RFX7: variants seen among roughly 807,000 people sequenced by gnomAD.
The protein encoded by RFX7 is DNA-binding protein RFX7.
Under a neutral mutation model 111.8 loss-of-function variants are expected in RFX7, and 26 were observed. That is an observed-to-expected ratio of 0.23 (90% confidence interval 0.17 to 0.32). The LOEUF is 0.32. RFX7 is among the 10% of genes least tolerant of loss of function. The pLI, the probability that RFX7 is intolerant of heterozygous loss-of-function variation, is 1.00. For synonymous variants in RFX7, 624 were observed against 624.4 expected, an observed-to-expected ratio of 1.00 and a Z score of 0.01; for missense variants, 1,573 against 1,772.9, an observed-to-expected ratio of 0.89 and a Z score of 2.02.
intron 3 of RFX7, among the ~76,000 whole-genome samples, chr15:56,164,570 C>A (rs998292255): frequency 4.6e-5 from 7 of 152,170 alleles, no homozygotes; most frequent in Non-Finnish European, 1.0e-4. Flanking sequence ...AACTCAGGTA[C>A]TACTGAAATT....
chr15:56,157,870 C>T (rs926016842), intron 3 of RFX7, among the ~76,000 whole-genome samples: 9 of 152,204 alleles, frequency 5.9e-5, no homozygotes, highest in African/African-American at 1.4e-4. Context: ...TGAGCCACTG[C>T]GCCCGGCCTA....
At chr15:56,210,882 A>C (rs776783386) in intron 2 of RFX7, among the ~76,000 whole-genome samples, 4 of 152,126 alleles carry the variant, frequency 2.6e-5, no homozygotes, top group Non-Finnish European at 5.9e-5. Flanking sequence ...CATCGTAGGA[A>C]ACTAGGAAAA....
intron 3 of RFX7, among the ~76,000 whole-genome samples, chr15:56,170,085 T>C (rs1033764599): frequency 1.3e-5 from 2 of 152,188 alleles, no homozygotes; most frequent in African/African-American, 4.8e-5. Context: ...TGTTTAATGA[T>C]TGATTCATTA....
At chr15:56,243,364 CGAAGGGGGGAGA>C in intron 1 of RFX7, 69 bp downstream of exon 1, 2 of 563,350 alleles carry the variant, frequency 3.6e-6, no homozygotes, top group Non-Finnish European at 4.2e-6. Flanking sequence ...GAGGGGAGGA[CGAAGGGGGGAGA>C]GGAGGAGGGG....
intron 8 of RFX7, among the ~76,000 whole-genome samples, chr15:56,101,012 T>A (rs1344884269): frequency 6.6e-6 from 1 of 152,164 alleles, no homozygotes; most frequent in African/African-American, 2.4e-5. Context: ...CTTCTCTTAT[T>A]AATTTAGATA....
rs1191886136 is a variant in RFX7 at position 56,087,907 on chromosome 15, C to T, written c.*5438G>A. The stretch of plus-strand genomic sequence containing the variant: ...TAAACATAAATATGACTAGAGTATA[C>T]CTGTATGAAATATGCTTGAAAAGCT... On this transcript the variant is annotated 3_prime_UTR_variant, in exon 10 of 10. Coordinates refer to ENST00000559447, the MANE Select transcript of RFX7 (RefSeq NM_022841.7). The T allele has an allele frequency of 6.1e-6, 2 of 326,536 alleles. No homozygotes were observed. Among genetic ancestry groups the T allele is most frequent in the African/African-American group, 2.2e-5 (1 of 45,290 alleles). The allele number at this position is 326,536 out of a possible 1,614,324, so 20.2% of individuals were successfully genotyped here.
At chr15:56,225,455 A>C (rs921679509) in intron 2 of RFX7, among the ~76,000 whole-genome samples, 4 of 152,262 alleles carry the variant, frequency 2.6e-5, no homozygotes, top group South Asian at 4.1e-4. Flanking sequence ...ACTCCAACTT[A>C]CTTAAAAACT....
At chr15:56,196,318 G>A (rs1026936851) in intron 2 of RFX7, among the ~76,000 whole-genome samples, 7 of 151,700 alleles carry the variant, frequency 4.6e-5, no homozygotes, top group Admixed American at 6.6e-5. Flanking sequence ...AGTGGTGACC[G>A]CTATCCAGAA....
At chr15:56,243,351 C>T (rs1308706420) in intron 1 of RFX7, 64 bp from the exon 2 acceptor site, 2 of 534,638 alleles carry the variant, frequency 3.7e-6, no homozygotes, top group Non-Finnish European at 4.5e-6. Flanking sequence ...GGGAAGAGAC[C>T]GGGAGGGGAG....
At chr15:56,241,927 C>A (rs188963931) in intron 2 of RFX7, among the ~76,000 whole-genome samples, 20 of 152,202 alleles carry the variant, frequency 1.3e-4, no homozygotes, top group African/African-American at 4.1e-4. Context: ...AGCATCATGA[C>A]GGCATGGATG....
intron 3 of RFX7, among the ~76,000 whole-genome samples, chr15:56,174,259 C>G (rs919662937): frequency 6.6e-6 from 1 of 151,062 alleles, no homozygotes; most frequent in African/African-American, 2.4e-5. Flanking sequence ...GCCTGGGCAA[C>G]AAAAGTGAAA....
chr15:56,134,527 C>T (rs1307907858), intron 5 of RFX7, among the ~76,000 whole-genome samples: 1 of 151,546 alleles, frequency 6.6e-6, no homozygotes, highest in African/African-American at 2.4e-5. Flanking sequence ...CTTTCCTAAT[C>T]ATGCTATTAT....
chr15:56,180,433 A>C (rs2042956750), intron 2 of RFX7, among the ~76,000 whole-genome samples: 1 of 152,222 alleles, frequency 6.6e-6, no homozygotes, highest in South Asian at 2.1e-4. Context: ...AAAGATTTTT[A>C]GGTTTTAAAA....
At chr15:56,117,932 G>T (rs1239860127) in intron 5 of RFX7, among the ~76,000 whole-genome samples, 2 of 151,968 alleles carry the variant, frequency 1.3e-5, no homozygotes, top group Admixed American at 1.3e-4. Context: ...AAACCATGGG[G>T]GCGTTAGGTG....
chr15:56,204,888 C>T (rs1348889225), intron 2 of RFX7, among the ~76,000 whole-genome samples: 1 of 152,102 alleles, frequency 6.6e-6, no homozygotes, highest in Non-Finnish European at 1.5e-5. Flanking sequence ...AACCTCAAAG[C>T]ACAAAGTTTA....
chr15:56,241,940 T>C (rs966084893), intron 2 of RFX7, among the ~76,000 whole-genome samples: 1 of 152,226 alleles, frequency 6.6e-6, no homozygotes, highest in Non-Finnish European at 1.5e-5. Flanking sequence ...CATGGATGCA[T>C]GCCAAGAAAA....
At chr15:56,174,843 G>A (rs186693215) in intron 3 of RFX7, among the ~76,000 whole-genome samples, 26 of 152,160 alleles carry the variant, frequency 1.7e-4, no homozygotes, top group African/African-American at 5.3e-4. Context: ...GATGAAGAGC[G>A]TCCATGAACA....
At chr15:56,199,668 A>C (rs1302553778) in intron 2 of RFX7, among the ~76,000 whole-genome samples, 2 of 152,164 alleles carry the variant, frequency 1.3e-5, no homozygotes, top group Non-Finnish European at 2.9e-5. Flanking sequence ...AGTAAGAAAC[A>C]CCATGGTAAA....
intron 2 of RFX7, among the ~76,000 whole-genome samples, chr15:56,202,021 A>G (rs1326652340): frequency 6.6e-6 from 1 of 152,086 alleles, no homozygotes; most frequent in Non-Finnish European, 1.5e-5. Context: ...ACAGAGCGAG[A>G]CTCTGTCTCA....
Sources: allele counts gnomAD v4.1 joint callset (sites outside exome capture counted in the v4.1 genomes callset), GRCh38; gene constraint gnomAD v4.1.1; transcripts MANE v1.5; gene names NCBI Gene and HGNC (gene_info 2026-07-23, HGNC 2026-07-21).